Variants in MYT1L observed in about 807,000 individuals in gnomAD.
MYT1L encodes myelin transcription factor 1-like protein.
In MYT1L, 12 loss-of-function variants were observed where a neutral mutation model predicts 126.7. The ratio of observed to expected loss-of-function variants is 0.09; its 90% CI spans 0.06 to 0.15. The LOEUF (loss-of-function observed/expected upper bound fraction) is 0.15. Ranked by LOEUF, MYT1L falls within the 10% of genes least tolerant of loss-of-function variation. The pLI is 1.00. For missense variants in MYT1L, 979 were observed against 1,585.2 expected, an observed-to-expected ratio of 0.62 and a Z score of 6.49; for synonymous variants, 541 against 604.2, an observed-to-expected ratio of 0.90 and a Z score of 1.53.
At chr2:2,217,343 G>A (rs1396837259) in intron 2 of MYT1L, among the ~76,000 whole-genome samples, 1 of 152,074 alleles carries the variant, frequency 6.6e-6, no homozygotes. Flanking sequence ...GGTTAATTTA[G>A]AATTTGAAAG....
Position 2,265,029 on chromosome 2 carries a change from A to ATT in MYT1L, c.-421+19373_-421+19374dup, listed in dbSNP as rs1217505229. 9.2e-3 allele frequency among the ~76,000 whole-genome samples: 1,335 copies of ATT among 144,412 alleles called. 21 individuals are homozygous for ATT. Among genetic ancestry groups the ATT allele is most frequent in the African/African-American group, 0.033 (1,285 of 39,484 alleles). The allele number at this position is 144,412 out of a possible 152,430, so 94.7% of individuals were successfully genotyped here. ...AGCAACTAAAATTCAGTCTTTTTTA[A>ATT]TTTTTTTTTTTTTTTGAGATGGAGT... On this transcript the variant is annotated intron_variant, in intron 2 of 24. Transcript: ENST00000647738.
At chr2:1,900,866 A>G in intron 14 of MYT1L, among the ~76,000 whole-genome samples, 1 of 152,150 alleles carries the variant, frequency 6.6e-6, no homozygotes, top group African/African-American at 2.4e-5. Context: ...GCTGCAAAGC[A>G]TGGCTCAGCT....
intron 3 of MYT1L, among the ~76,000 whole-genome samples, chr2:2,096,982 G>T (rs538871516): frequency 6.6e-6 from 1 of 152,210 alleles, no homozygotes; most frequent in South Asian, 2.1e-4. Context: ...GCCAGCGGCG[G>T]CCAGGCTGCA....
At chr2:2,241,378 C>T (rs141301711) in intron 2 of MYT1L, among the ~76,000 whole-genome samples, 1 of 152,198 alleles carries the variant, frequency 6.6e-6, no homozygotes, top group East Asian at 1.9e-4. Flanking sequence ...GTGAATTTGC[C>T]TTTCTCGTTT....
chr2:1,802,733 C>T (rs80172126), intron 22 of MYT1L, among the ~76,000 whole-genome samples: 5,013 of 152,306 alleles, frequency 0.033, 107 homozygotes, highest in East Asian at 0.072. Flanking sequence ...ACACTGCCAA[C>T]GCCAAAGAGA....
chr2:1,851,388 T>C (rs1170521680), intron 19 of MYT1L, among the ~76,000 whole-genome samples: 2 of 152,180 alleles, frequency 1.3e-5, no homozygotes, highest in African/African-American at 4.8e-5. Flanking sequence ...ATAGGTGGAA[T>C]GTTTCTCAGT....
intron 3 of MYT1L, among the ~76,000 whole-genome samples, chr2:2,159,225 A>G: frequency 6.6e-6 from 1 of 152,220 alleles, no homozygotes; most frequent in African/African-American, 2.4e-5. Flanking sequence ...AAAGGAAGGG[A>G]GGCAGCATAC....
At position 2,164,053 on chromosome 2, in the gene MYT1L, ATAAATT is replaced by A. The variant is rs2088552944; in HGVS notation, c.-304+8813_-304+8818del. Among the ~76,000 whole-genome samples the A allele has an allele frequency of 1.4e-4, 22 of 152,294 alleles. No homozygotes were observed. In the South Asian group the frequency reaches 4.6e-3, roughly 32 times the overall value. Reference sequence around the variant, plus strand: ...TTATAAAAGAATACATATAATTTATATAAATTTAATTTCTTATGGATATTAAACAGA... The same window carrying A: ...TTATAAAAGAATACATATAATTTATATAATTTCTTATGGATATTAAACAGA... On this transcript the variant is annotated intron_variant, in intron 3 of 24. Coordinates refer to ENST00000647738, the MANE Select transcript of MYT1L (RefSeq NM_001303052.2).
chr2:1,974,674 G>T (rs906706857), intron 8 of MYT1L: 1 of 152,180 alleles, frequency 6.6e-6, no homozygotes, highest in African/African-American at 2.4e-5. Context: ...GCTGCCAAGA[G>T]TGTCTGCGTC....
chr2:2,255,489 G>A (rs1206368393), intron 2 of MYT1L, among the ~76,000 whole-genome samples: 1 of 152,128 alleles, frequency 6.6e-6, no homozygotes, highest in African/African-American at 2.4e-5. Flanking sequence ...GGAGAAAGGA[G>A]CCACACGGTG....
chr2:2,111,768 A>G (rs1040686935), intron 3 of MYT1L, among the ~76,000 whole-genome samples: 5 of 152,240 alleles, frequency 3.3e-5, no homozygotes, highest in African/African-American at 1.2e-4. Flanking sequence ...ACGTGCAGGA[A>G]AAAAAGGACG....
intron 3 of MYT1L, among the ~76,000 whole-genome samples, chr2:2,064,591 T>C (rs1362101507): frequency 2.0e-5 from 3 of 152,174 alleles, no homozygotes; most frequent in African/African-American, 7.2e-5. Flanking sequence ...AGGGAGTTTT[T>C]TGTGAGTTTT....
chr2:2,157,594 T>A (rs905441930), intron 3 of MYT1L, among the ~76,000 whole-genome samples: 1 of 152,138 alleles, frequency 6.6e-6, no homozygotes, highest in African/African-American at 2.4e-5. Flanking sequence ...AGTGAGAAAG[T>A]CAGATGATAC....
chr2:2,231,546 C>T (rs887571872), intron 2 of MYT1L, among the ~76,000 whole-genome samples: 1 of 152,146 alleles, frequency 6.6e-6, no homozygotes, highest in Admixed American at 6.6e-5. Context: ...CTCCCAGGCT[C>T]AAGCAATCCT....
chr2:1,853,874 C>T (rs751033690), intron 18 of MYT1L, among the ~76,000 whole-genome samples: 1 of 152,010 alleles, frequency 6.6e-6, no homozygotes, highest in Non-Finnish European at 1.5e-5. Flanking sequence ...ATTTTTACTA[C>T]CTATAAAAGT....
At chr2:2,205,634 G>T (rs1559333757) in intron 2 of MYT1L, among the ~76,000 whole-genome samples, 1 of 152,062 alleles carries the variant, frequency 6.6e-6, no homozygotes, top group African/African-American at 2.4e-5. Flanking sequence ...AGTCTCACTT[G>T]AACAATGTCA....
intron 8 of MYT1L, among the ~76,000 whole-genome samples, chr2:1,973,638 G>C (rs2059963072): frequency 2.0e-5 from 3 of 152,326 alleles, no homozygotes; most frequent in South Asian, 2.1e-4. Flanking sequence ...GCAGGTACTT[G>C]AGCCCCACTA....
At chr2:2,109,906 T>G (rs939543864) in intron 3 of MYT1L, among the ~76,000 whole-genome samples, 1 of 123,336 alleles carries the variant, frequency 8.1e-6, no homozygotes, top group South Asian at 2.8e-4. Context: ...TATATATATA[T>G]ATATATATAT....
At chr2:1,840,871 A>G in intron 19 of MYT1L, 28 bp from the exon 20 acceptor site, 1 of 1,404,480 alleles carries the variant, frequency 7.1e-7, no homozygotes. Flanking sequence ...TTCAGAAAGC[A>G]CCCCACACCG....
Sources: gnomAD v4.1 joint callset for allele counts (sites outside exome capture counted in the v4.1 genomes callset) on GRCh38, gnomAD v4.1.1 for gene constraint, MANE v1.5 for transcripts, NCBI Gene and HGNC (gene_info 2026-07-23, HGNC 2026-07-21) for gene names.